The following SQOR variants were observed in gnomAD, a reference collection of about 807,000 sequenced individuals.
SQOR encodes sulfide quinone oxidoreductase, also known as sulfide:quinone oxidoreductase, mitochondrial.
SQOR carries 39 observed loss-of-function variants against 48.6 expected under a neutral mutation model. The ratio of observed to expected loss-of-function variants is 0.80; its 90% CI spans 0.62 to 1.05. The LOEUF is 1.05. Among genes scored for constraint, SQOR ranks in the 50% least tolerant of loss-of-function variants. The probability of loss-of-function intolerance (pLI) is 0.00; values close to 1 mark genes in which losing one functional copy is unlikely to be tolerated. For synonymous variants in SQOR, 220 were observed against 206.2 expected (o/e 1.07, Z -0.57); for missense variants, 561 against 559.9 (o/e 1.00, Z -0.02).
intron 1 of SQOR, among the ~76,000 whole-genome samples, chr15:45,644,855 G>C (rs189184002): frequency 6.6e-6 from 1 of 152,284 alleles, no homozygotes; most frequent in Non-Finnish European, 1.5e-5. Flanking sequence ...ATTGCCTCTT[G>C]CAGGGTTAAA....
rs761409581 is a variant in SQOR, at chr15:45,659,122, G to A, written c.199G>A (p.Gly67Ser). The A allele has an allele frequency of 1.3e-6, 2 of 1,568,520 alleles. No individual in the cohort carries two copies. The change falls in exon 2 of 10, where the codon GGT (glycine) becomes AGT (serine). Residue 67 changes from glycine to serine, a missense_variant. By Grantham distance (56) the Gly-to-Ser change is moderately conservative. Transcript: ENST00000260324. Reference protein sequence around the residue: ...TMAARMKRKVGAENVAIVEPS... With the variant: ...TMAARMKRKVSAENVAIVEPS... Reference sequence around the variant, plus strand: ...GGCTGCCCGCATGAAGAGGAAAGTGGGTGCAGAGAATGTGGCCATTGTTGA... The same window carrying A: ...GGCTGCCCGCATGAAGAGGAAAGTGAGTGCAGAGAATGTGGCCATTGTTGA...
upstream of SQOR, among the ~76,000 whole-genome samples, chr15:45,634,373 T>C (rs1894957585): frequency 6.6e-6 from 1 of 151,848 alleles, no homozygotes; most frequent in African/African-American, 2.4e-5. Flanking sequence ...AAAGGGTTAC[T>C]GAATCTGATA....
At chr15:45,682,940 T>C (rs1315436026) in intron 7 of SQOR, among the ~76,000 whole-genome samples, 1 of 151,484 alleles carries the variant, frequency 6.6e-6, no homozygotes, top group African/African-American at 2.4e-5. Context: ...GGCAGAAGAA[T>C]TGCTTGAACA....
At chr15:45,635,617 G>A (rs1333836083) in intron 1 of SQOR, among the ~76,000 whole-genome samples, 1 of 152,206 alleles carries the variant, frequency 6.6e-6, no homozygotes, top group Admixed American at 6.5e-5. Context: ...ACAGGAATTG[G>A]TGGAAAGGGA....
In SQOR at chr15:45,676,238, T is replaced by C. The variant is rs781280336; in HGVS notation, c.792T>C (p.Ile264=). 3 of 1,614,016 alleles carry C rather than the reference T, an allele frequency of 1.9e-6. No homozygotes were observed. The highest frequency in any genetic ancestry group is 2.5e-6 in the Non-Finnish European group (3 of 1,179,996). The change falls in exon 6 of 10, where the codon ATT becomes ATC. Residue 264 remains isoleucine, a synonymous_variant. Coordinates refer to ENST00000260324, the MANE Select transcript of SQOR (RefSeq NM_021199.4). ...NLTVNYKKNL[I]EVRADKQEAV... ...CTGTTAACTACAAGAAAAACCTCAT[T>C]GAAGTCCGAGCCGATAAACAAGAGG...
rs751956248 is a variant in SQOR, at chr15:45,682,608, T to G, written c.995T>G (p.Phe332Cys). Residue 332 changes from phenylalanine (F) to cysteine (C), a missense_variant, in exon 7 of 10, where the codon TTT becomes TGT. Phe to Cys is a radical substitution (Grantham distance 205). Transcript: ENST00000260324. ...TLQHRRYPNV[F>C]GIGDCTNLPT... ...CAACACAGGAGGTACCCAAATGTGT[T>G]TGGGATTGGGGACTGCACCAACCTT... 72 of 1,614,060 alleles carry G rather than the reference T, an allele frequency of 4.5e-5. No individual in the cohort carries two copies. Among genetic ancestry groups the G allele is most frequent in the Non-Finnish European group, 5.8e-5 (69 of 1,180,030 alleles).
In SQOR at chr15:45,639,614, T is replaced by C. The variant is rs933878161; in HGVS notation, c.-18+4506T>C. Among the ~76,000 whole-genome samples the C allele has an allele frequency of 3.3e-5, 5 of 152,254 alleles. No individual in the cohort carries two copies. The South Asian group carries it at 1.0e-3, about 31-fold the overall frequency. On this transcript the variant is annotated intron_variant, in intron 1 of 9. Coordinates refer to ENST00000260324, the MANE Select transcript of SQOR (RefSeq NM_021199.4). ...GGATTGTGGTGATTTCACTCTATGA[T>C]AACTTTCTTATATCTTTGGCTATTT...
intron 1 of SQOR, among the ~76,000 whole-genome samples, chr15:45,652,822 TTAGG>T (rs1384982477): frequency 1.3e-5 from 2 of 151,396 alleles, no homozygotes; most frequent in East Asian, 2.0e-4. Flanking sequence ...TAATACAAAC[TTAGG>T]TAGGTGTGGT....
chr15:45,690,847 C>A, intron 9 of SQOR, 126 bp from the exon 10 acceptor site: 1 of 815,124 alleles, frequency 1.2e-6, no homozygotes, highest in Non-Finnish European at 2.2e-6. Flanking sequence ...ACTCACTAGA[C>A]AATCTTGCTT....
At chr15:45,645,956 C>T (rs1373992694) in intron 1 of SQOR, 1 of 152,190 alleles carries the variant, frequency 6.6e-6, no homozygotes, top group East Asian at 1.9e-4. Context: ...ATTTCTGATA[C>T]ATTTTCTAAA....
chr15:45,635,508 C>T (rs1894986903), intron 1 of SQOR, among the ~76,000 whole-genome samples: 1 of 152,126 alleles, frequency 6.6e-6, no homozygotes, highest in South Asian at 2.1e-4. Context: ...CAGGGATTGA[C>T]ACAGTCATCC....
chr15:45,631,387 T>C (rs144327732), upstream of SQOR, among the ~76,000 whole-genome samples: 35 of 152,344 alleles, frequency 2.3e-4, no homozygotes, highest in Non-Finnish European at 4.6e-4. Flanking sequence ...TGCTCCCTGA[T>C]GCATAGCAAG....
At chr15:45,637,967 C>T (rs1895034890) in intron 1 of SQOR, among the ~76,000 whole-genome samples, 1 of 152,156 alleles carries the variant, frequency 6.6e-6, no homozygotes, top group Non-Finnish European at 1.5e-5. Context: ...GGAAAGCTGC[C>T]CAGACCTGGC....
chr15:45,659,041 G>T lies in SQOR; in HGVS notation c.118G>T (p.Ala40Ser), dbSNP rs375963712. ...GCTGCACACCGGGGCCAGCCATGCGGCCAGGAACCATTATGAGGTGCTGGT... is the reference window on the plus strand; with the variant it reads ...GCTGCACACCGGGGCCAGCCATGCGTCCAGGAACCATTATGAGGTGCTGGT... ...LQLHTGASHAARNHYEVLVLG... is the reference protein window; with the variant it reads ...LQLHTGASHASRNHYEVLVLG... Residue 40 changes from alanine to serine, a missense_variant, in exon 2 of 10, where the codon GCC (alanine) becomes TCC (serine). Coordinates refer to ENST00000260324, the MANE Select transcript of SQOR (RefSeq NM_021199.4). 9 of 1,600,442 alleles carry T rather than the reference G, an allele frequency of 5.6e-6. No individual in the cohort carries two copies. The highest frequency in any genetic ancestry group is 6.8e-6 in the Non-Finnish European group (8 of 1,173,970).
intron 1 of SQOR, among the ~76,000 whole-genome samples, chr15:45,645,558 C>A (rs903190897): frequency 6.6e-6 from 1 of 152,170 alleles, no homozygotes; most frequent in Non-Finnish European, 1.5e-5. Context: ...GCGAACACTC[C>A]CGTGAATGAG....
At chr15:45,639,658 A>G (rs1011900663) in intron 1 of SQOR, among the ~76,000 whole-genome samples, 1 of 152,224 alleles carries the variant, frequency 6.6e-6, no homozygotes, top group African/African-American at 2.4e-5. Flanking sequence ...GTAGCCCATG[A>G]TGTCTCCATA....
chr15:45,668,827 G>A (rs1889886264), intron 3 of SQOR, among the ~76,000 whole-genome samples: 2 of 152,140 alleles, frequency 1.3e-5, no homozygotes, highest in African/African-American at 4.8e-5. Context: ...GCAAGTTCTT[G>A]TACTTTACGG....
At chr15:45,643,180 A>G (rs1895135894) in intron 1 of SQOR, among the ~76,000 whole-genome samples, 1 of 152,146 alleles carries the variant, frequency 6.6e-6, no homozygotes, top group South Asian at 2.1e-4. Flanking sequence ...TGGGCGCTCA[A>G]TGAATACTTG....
chr15:45,664,989 C>A (rs1428255007), intron 3 of SQOR, among the ~76,000 whole-genome samples: 1 of 152,134 alleles, frequency 6.6e-6, no homozygotes, highest in Non-Finnish European at 1.5e-5. Context: ...TTGCCAGTCT[C>A]CTGAACACAG....
Sources: gnomAD v4.1 joint callset for allele counts (sites outside exome capture counted in the v4.1 genomes callset) on GRCh38, gnomAD v4.1.1 for gene constraint, MANE v1.5 for transcripts, NCBI Gene and HGNC (gene_info 2026-07-23, HGNC 2026-07-21) for gene names.